The following CASP10 variants were observed in gnomAD, a reference collection of about 807,000 sequenced individuals.
The protein encoded by CASP10 is caspase-10.
In CASP10, 41 loss-of-function variants were observed where a neutral mutation model predicts 48.5. The observed-to-expected ratio is 0.85, with a 90% CI of 0.66 to 1.10. CASP10 has a LOEUF of 1.10. Among genes scored for constraint, CASP10 ranks in the 50% least tolerant of loss-of-function variants. The pLI, the probability that CASP10 is intolerant of heterozygous loss-of-function variation, is 0.00. For missense variants in CASP10, 614 were observed against 614.5 expected (o/e 1.00, Z 0.01); for synonymous variants, 232 against 238.4 (o/e 0.97, Z 0.25).
chr2:201,214,084 T>C lies in CASP10; in HGVS notation c.1416-3504T>C, dbSNP rs542413174. 2.6e-5 allele frequency: 4 copies of C among 152,176 alleles called. No homozygotes were observed. In the South Asian group the frequency reaches 6.2e-4, roughly 24 times the overall value. 9.4% of individuals were successfully genotyped at this position (152,176 alleles called of 1,614,324 possible). A position where few individuals can be genotyped will look rare whatever the true frequency, so the allele number is the denominator to read the frequency against. ...CATTATACATGCCAATCACATGAGA[T>C]TGTTGGATCAGGAGATTGGTAGTTC... On this transcript the variant is annotated intron_variant, in intron 9 of 9. Coordinates refer to ENST00000286186, the MANE Select transcript of CASP10 (RefSeq NM_032977.4).
chr2:201,194,571 T>C (rs1944722687), intron 4 of CASP10, among the ~76,000 whole-genome samples: 1 of 152,198 alleles, frequency 6.6e-6, no homozygotes, highest in Admixed American at 6.6e-5. Context: ...AGAAGGTTGA[T>C]ATGGAAAGAA....
intron 7 of CASP10, among the ~76,000 whole-genome samples, chr2:201,207,225 G>A (rs2126044258): frequency 6.6e-6 from 1 of 152,312 alleles, no homozygotes; most frequent in East Asian, 1.9e-4. Context: ...CAATTGTGCA[G>A]TAAAAGTGAG....
intron 9 of CASP10, among the ~76,000 whole-genome samples, chr2:201,217,301 C>T (rs1023273915): frequency 6.6e-6 from 1 of 152,182 alleles, no homozygotes; most frequent in African/African-American, 2.4e-5. Context: ...CACAGTGGCT[C>T]ATGCCTGTAA....
At chr2:201,200,581 A>C (rs2126032528) in intron 5 of CASP10, 1 of 1,577,420 alleles carries the variant, frequency 6.3e-7, no homozygotes, top group African/African-American at 1.3e-5. Flanking sequence ...CAGAGCCGGG[A>C]GAGGCCTGCT....
rs1944392817 is a variant in CASP10 at position 201,185,751 on chromosome 2, C to T, written c.-7-20C>T. 6.5e-7 allele frequency: 1 copy of T among 1,530,064 alleles called. No homozygotes were observed. Among genetic ancestry groups the T allele is most frequent in the African/African-American group, 1.4e-5 (1 of 73,276 alleles). 94.8% of individuals were successfully genotyped at this position (1,530,064 alleles called of 1,614,324 possible). ...GTCCTCACTCTCTAACTCCCTGCCC[C>T]ACCTCTCTGTCCCTTTCAGGCTGGC... On this transcript the variant is annotated intron_variant, in intron 1 of 9. Coordinates refer to ENST00000286186, the MANE Select transcript of CASP10 (RefSeq NM_032977.4).
downstream of CASP10, among the ~76,000 whole-genome samples, chr2:201,224,600 G>T (rs1945765707): frequency 6.6e-6 from 1 of 152,114 alleles, no homozygotes; most frequent in Non-Finnish European, 1.5e-5. Context: ...CCCCACTTCT[G>T]CATACATATT....
intron 5 of CASP10, among the ~76,000 whole-genome samples, chr2:201,199,586 T>C (rs1944938456): frequency 1.3e-5 from 2 of 148,792 alleles, no homozygotes; most frequent in South Asian, 4.3e-4. Context: ...TTTTTTTTTT[T>C]TTTTTTGAAA....
In CASP10 at chr2:201,209,234, G is replaced by A. The variant is rs983581833; in HGVS notation, c.1087G>A (p.Ala363Thr). 3 of 1,614,028 alleles carry A rather than the reference G, an allele frequency of 1.9e-6. No homozygotes were observed. The African/African-American group carries it at 4.0e-5, about 22-fold the overall frequency. ...TATTCTGACCCATGGGAGATTTGGA[G>A]CTGTCTACTCTTCGGATGAGGCCCT... ...FCILTHGRFGAVYSSDEALIP... is the reference protein window; with the variant it reads ...FCILTHGRFGTVYSSDEALIP... The change falls in exon 9 of 10, where the codon GCT (alanine) becomes ACT (threonine). Residue 363 changes from alanine (A) to threonine (T), a missense_variant. By Grantham distance (58) the Ala-to-Thr change is moderately conservative. Coordinates refer to ENST00000286186, the MANE Select transcript of CASP10 (RefSeq NM_032977.4).
intron 9 of CASP10, chr2:201,228,804 C>A (rs1230637193): frequency 4.0e-6 from 3 of 752,588 alleles, no homozygotes; most frequent in East Asian, 2.7e-5. Context: ...AAATATGAGT[C>A]ATTCTGCCAG....
intron 9 of CASP10, among the ~76,000 whole-genome samples, chr2:201,215,615 G>A (rs1445572150): frequency 6.6e-6 from 1 of 152,064 alleles, no homozygotes; most frequent in Non-Finnish European, 1.5e-5. Flanking sequence ...TGATCTATGT[G>A]TCTGTTTTTA....
intron 9 of CASP10, chr2:201,214,471 G>A (rs1224174805): frequency 6.6e-6 from 1 of 152,084 alleles, no homozygotes; most frequent in Non-Finnish European, 1.5e-5. Flanking sequence ...ATTAGAAGGG[G>A]TGATGTTAGC....
chr2:201,197,788 G>T (rs1395181467), intron 5 of CASP10, among the ~76,000 whole-genome samples: 1 of 152,152 alleles, frequency 6.6e-6, no homozygotes, highest in African/African-American at 2.4e-5. Context: ...GCCACCTTTT[G>T]ACTATTTTTA....
At chr2:201,202,814 G>A (rs1306426584) in intron 5 of CASP10, among the ~76,000 whole-genome samples, 1 of 152,076 alleles carries the variant, frequency 6.6e-6, no homozygotes, top group Non-Finnish European at 1.5e-5. Context: ...ATGGTGAATG[G>A]GGAGGAGGGT....
intron 3 of CASP10, 36 bp downstream of exon 3, chr2:201,187,835 C>T (rs1380752423): frequency 7.2e-7 from 1 of 1,395,332 alleles, no homozygotes; most frequent in South Asian, 1.2e-5. Context: ...TGTGTGAGCA[C>T]TGTCTTAATC....
At position 201,192,394 on chromosome 2, in the gene CASP10, A is replaced by AAATAATAATAATAATAAT. The variant is rs35491925; in HGVS notation, c.442-576_442-559dup. ...AGACAGAGTGAGAGACTCCATCTCA[A>AAATAATAATAATAATAAT]AATAATAATAATAATAATAATAATA... On this transcript the variant is annotated intron_variant, in intron 3 of 9. Coordinates refer to ENST00000286186, the MANE Select transcript of CASP10 (RefSeq NM_032977.4). Among the ~76,000 whole-genome samples the AAATAATAATAATAATAAT allele has an allele frequency of 2.7e-5, 4 of 148,918 alleles. No homozygotes were observed. The South Asian group carries it at 6.4e-4, about 24-fold the overall frequency.
At chr2:201,186,828 AG>A (rs1944431486) in intron 2 of CASP10, among the ~76,000 whole-genome samples, 1 of 152,102 alleles carries the variant, frequency 6.6e-6, no homozygotes, top group African/African-American at 2.4e-5. Flanking sequence ...CTGGGACTAC[AG>A]GCACCCACCA....
chr2:201,219,759 G>C lies in CASP10; in HGVS notation c.*2018G>C. 1.1e-6 allele frequency: 1 copy of C among 952,162 alleles called. No homozygotes were observed. The highest frequency in any genetic ancestry group is 1.2e-4 in the East Asian group (1 of 8,162). The allele number at this position is 952,162 out of a possible 1,614,324, so 59.0% of individuals were successfully genotyped here. A position where few individuals can be genotyped will look rare whatever the true frequency, so the allele number is the denominator to read the frequency against. Reference sequence around the variant, plus strand: ...AGGAACTTTTTCTCTGTTAATTCCTGGAACTGTATTTTGAATCCTTAAAGG... The same window carrying C: ...AGGAACTTTTTCTCTGTTAATTCCTCGAACTGTATTTTGAATCCTTAAAGG... On this transcript the variant is annotated 3_prime_UTR_variant, in exon 10 of 10. Transcript: ENST00000286186.
chr2:201,209,916 A>G (rs1313857278), intron 9 of CASP10, among the ~76,000 whole-genome samples: 3 of 152,218 alleles, frequency 2.0e-5, no homozygotes, highest in African/African-American at 7.2e-5. Flanking sequence ...AGACAAACAA[A>G]TAGACGGGGA....
chr2:201,228,888 C>T (rs1269544999), intron 9 of CASP10: 7 of 1,594,528 alleles, frequency 4.4e-6, no homozygotes, highest in East Asian at 2.3e-5. Context: ...GTGTGAAAAA[C>T]CACTCAGTCA....
Sources: gnomAD v4.1 joint callset for allele counts (sites outside exome capture counted in the v4.1 genomes callset) on GRCh38, gnomAD v4.1.1 for gene constraint, MANE v1.5 for transcripts, NCBI Gene and HGNC (gene_info 2026-07-23, HGNC 2026-07-21) for gene names.